ZSWIM4: variants seen among roughly 807,000 people sequenced by gnomAD.
ZSWIM4 encodes zinc finger SWIM-type containing 4, also known as zinc finger SWIM domain-containing protein 4.
A neutral mutation model predicts 102.5 loss-of-function variants in ZSWIM4; 62 were observed. That is an observed-to-expected ratio of 0.60 (90% CI 0.49 to 0.75). ZSWIM4 has a LOEUF of 0.75. ZSWIM4 is among the 30% of genes least tolerant of loss of function. ZSWIM4 has a pLI of 0.00. For missense variants in ZSWIM4, 1,280 were observed against 1,529.6 expected (o/e 0.84, Z 2.72); for synonymous variants, 652 against 674.5 (o/e 0.97, Z 0.52).
chr19:13,816,050 G>T (rs1425367511), intron 7 of ZSWIM4, among the ~76,000 whole-genome samples: 1 of 149,290 alleles, frequency 6.7e-6, no homozygotes, highest in Non-Finnish European at 1.5e-5. Flanking sequence ...GAGAGAGAGG[G>T]GAAGGAAGGA....
At chr19:13,810,786 A>AT (rs1975060813) in intron 5 of ZSWIM4, among the ~76,000 whole-genome samples, 1 of 134,928 alleles carries the variant, frequency 7.4e-6, no homozygotes, top group South Asian at 2.3e-4. Context: ...ATTTTTTTGT[A>AT]TTTTTAGTAG....
rs1472778145 is a variant in ZSWIM4, at chr19:13,823,449, C to T, written c.2164C>T (p.Leu722=). The T allele has an allele frequency of 6.3e-7, 1 of 1,583,008 alleles. No homozygotes were observed. Among genetic ancestry groups the T allele is most frequent in the South Asian group, 1.1e-5 (1 of 88,316 alleles). Residue 722 remains leucine (L), a synonymous_variant, in exon 11 of 14, where the codon CTG becomes TTG. Coordinates refer to ENST00000590508, the MANE Select transcript of ZSWIM4 (RefSeq NM_001367834.3). ...CCCCCGCTGGTTCATCCTTGGCCAC[C>T]TGGAGACCCGCCAGTGTGAACTGGC... is the stretch of plus-strand genomic sequence containing the variant. ...RFPRWFILGH[L]ETRQCELAST... is the part of the protein sequence containing the mutation.
intron 13 of ZSWIM4, 62 bp from the exon 14 acceptor site, chr19:13,830,129 G>A (rs1257921134): frequency 3.2e-6 from 5 of 1,556,046 alleles, no homozygotes; most frequent in East Asian, 2.3e-5. Context: ...GTTAACCCAC[G>A]CATACATGTA....
At chr19:13,816,927 T>C (rs1397142778) in intron 7 of ZSWIM4, among the ~76,000 whole-genome samples, 1 of 151,964 alleles carries the variant, frequency 6.6e-6, no homozygotes, top group Non-Finnish European at 1.5e-5. Context: ...TTAGAAAGCG[T>C]CCAGTGGCCA....
rs1032405975 is a variant in ZSWIM4 at position 13,804,962 on chromosome 19, A to G, written c.526A>G (p.Ile176Val). Residue 176 changes from isoleucine to valine, a missense_variant, in exon 3 of 14, where the codon ATT (isoleucine) becomes GTT (valine). Ile to Val is a conservative substitution (Grantham distance 29, BLOSUM62 3). Transcript: ENST00000590508. ...CGTGGTGGCCCTGTCCCTGTACCGCATTCGGCACGCCCACCAGGTGGAGCT... is the reference window on the plus strand; with the variant it reads ...CGTGGTGGCCCTGTCCCTGTACCGCGTTCGGCACGCCCACCAGGTGGAGCT... Reference protein sequence around the residue: ...AHVVALSLYRIRHAHQVELRL... With the variant: ...AHVVALSLYRVRHAHQVELRL... 1 of 1,613,176 alleles carries G rather than the reference A, an allele frequency of 6.2e-7. No homozygotes were observed. The highest frequency in any genetic ancestry group is 8.5e-7 in the Non-Finnish European group (1 of 1,179,998).
chr19:13,828,701 G>A lies in ZSWIM4; in HGVS notation c.2436G>A (p.Trp812Ter), dbSNP rs778288911. The A allele has an allele frequency of 6.2e-7, 1 of 1,614,184 alleles. No homozygotes were observed. The highest frequency in any genetic ancestry group is 2.2e-5 in the East Asian group (1 of 44,876). The change falls in exon 13 of 14, where the codon TGG becomes TGA. Residue 812 changes from tryptophan (W) to a stop codon, truncating the protein, a stop_gained. Coordinates refer to ENST00000590508, the MANE Select transcript of ZSWIM4 (RefSeq NM_001367834.3). LOFTEE classifies it high-confidence loss of function. ...MTWRRREMVR[W>*]LVSCATEIGP... ...GGCGGCGGAGGGAGATGGTGCGCTGGCTGGTCAGCTGTGCCACAGAGATTG... is the reference window on the plus strand; with the variant it reads ...GGCGGCGGAGGGAGATGGTGCGCTGACTGGTCAGCTGTGCCACAGAGATTG...
intron 6 of ZSWIM4, among the ~76,000 whole-genome samples, chr19:13,813,857 GTTGCAGTGAGCCAAGATCGCACCAC>G (rs1711938968): frequency 6.7e-6 from 1 of 150,148 alleles, no homozygotes; most frequent in Non-Finnish European, 1.5e-5. Flanking sequence ...GGAGGCGGAG[GTTGCAGTGAGCCAAGATCGCACCAC>G]TGCACTCTAG....
Position 13,825,601 on chromosome 19 carries a change from A to G in ZSWIM4, c.2267A>G (p.His756Arg). ...TVLGSIQQNI[H>R]SPALLFKLAQ... ...CTGGGCTCCATCCAGCAGAACATCC[A>G]CTCTCCGGCCCTGCTCTTTAAGCTG... The change falls in exon 12 of 14, where the codon CAC (histidine) becomes CGC (arginine). Residue 756 changes from histidine (H) to arginine (R), a missense_variant. Transcript: ENST00000590508. This position sits in a 1 kb window ranked among gnomAD's most constrained non-coding sequence, Gnocchi z 4.6. 1 of 1,613,726 alleles carries G rather than the reference A, an allele frequency of 6.2e-7. No homozygotes were observed. The highest frequency in any genetic ancestry group is 8.5e-7 in the Non-Finnish European group (1 of 1,179,942).
Position 13,823,328 on chromosome 19 carries a change from A to G in ZSWIM4, c.2061-18A>G. Reference sequence around the variant, plus strand: ...CAGCAGCCCCTCCTCACCATGGCTCACTTCTCCCCTTACCCAGGCTGCCCA... The same window carrying G: ...CAGCAGCCCCTCCTCACCATGGCTCGCTTCTCCCCTTACCCAGGCTGCCCA... On this transcript the variant is annotated intron_variant, in intron 10 of 13. Transcript: ENST00000590508. 6.2e-7 allele frequency: 1 copy of G among 1,605,550 alleles called. No homozygotes were observed. The highest frequency in any genetic ancestry group is 1.1e-5 in the South Asian group (1 of 90,418).
At chr19:13,804,063 C>T (rs1406257537) in intron 2 of ZSWIM4, among the ~76,000 whole-genome samples, 1 of 151,310 alleles carries the variant, frequency 6.6e-6, no homozygotes, top group Non-Finnish European at 1.5e-5. Context: ...AGGGTTTCAC[C>T]ATGTTGGCCA....
intron 10 of ZSWIM4, 60 bp downstream of exon 10, chr19:13,819,552 G>T: frequency 6.5e-7 from 1 of 1,531,748 alleles, no homozygotes; most frequent in Non-Finnish European, 8.8e-7. Context: ...GGCGGGCATG[G>T]GGGGTAGCTC....
rs1437426516 is a variant in ZSWIM4, at chr19:13,830,640, A to G, written c.2911A>G (p.Ser971Gly). 6.2e-7 allele frequency: 1 copy of G among 1,601,232 alleles called. No homozygotes were observed. Among genetic ancestry groups the G allele is most frequent in the South Asian group, 1.1e-5 (1 of 91,070 alleles). ...CGACGTGCTTTGGGCCTGCTCTCTC[A>G]GCCACTCCCTGGGCCGGCACGAGCT... Reference protein sequence around the residue: ...VNDVLWACSLSHSLGRHELSA... With the variant: ...VNDVLWACSLGHSLGRHELSA... The change falls in exon 14 of 14, where the codon AGC becomes GGC. Residue 971 changes from serine (S) to glycine (G), a missense_variant. By Grantham distance (56) the Ser-to-Gly change is moderately conservative. Coordinates refer to ENST00000590508, the MANE Select transcript of ZSWIM4 (RefSeq NM_001367834.3).
intron 3 of ZSWIM4, 44 bp downstream of exon 3, chr19:13,805,192 G>A (rs375686478): frequency 1.1e-5 from 17 of 1,483,492 alleles, no homozygotes; most frequent in African/African-American, 4.1e-5. Context: ...ATGCCCAAGC[G>A]CACAGCCACG....
rs1974874893 is a variant in ZSWIM4 at position 13,804,913 on chromosome 19, C to T, written c.477C>T (p.Asn159=). Residue 159 remains asparagine, a synonymous_variant, in exon 3 of 14, where the codon AAC becomes AAT. Transcript: ENST00000590508. ...CGTCCGTGAGCTGCGGCTGTGACAA[C>T]CGCGACCTCTTCTACTGTGCCCACG... is the stretch of plus-strand genomic sequence containing the variant. ...KITSVSCGCD[N]RDLFYCAHVV... 1.2e-6 allele frequency: 2 copies of T among 1,613,546 alleles called. No individual in the cohort carries two copies. The highest frequency in any genetic ancestry group is 2.2e-5 in the East Asian group (1 of 44,880).
In ZSWIM4 at chr19:13,823,441, T is replaced by G. The variant is rs1257833413; in HGVS notation, c.2156T>G (p.Leu719Arg). 1 of 1,593,518 alleles carries G rather than the reference T, an allele frequency of 6.3e-7. No individual in the cohort carries two copies. The highest frequency in any genetic ancestry group is 1.1e-5 in the South Asian group (1 of 89,060). Residue 719 changes from leucine to arginine, a missense_variant, in exon 11 of 14, where the codon CTT becomes CGT. By Grantham distance (102) the Leu-to-Arg change is moderately radical (BLOSUM62 -2). Coordinates refer to ENST00000590508, the MANE Select transcript of ZSWIM4 (RefSeq NM_001367834.3). ...MSNRFPRWFI[L>R]GHLETRQCEL... is the part of the protein sequence containing the mutation. ...AACCGCTTCCCCCGCTGGTTCATCC[T>G]TGGCCACCTGGAGACCCGCCAGTGT...
At chr19:13,819,100 G>A (rs1290534165) in intron 9 of ZSWIM4, among the ~76,000 whole-genome samples, 1 of 150,472 alleles carries the variant, frequency 6.6e-6, no homozygotes, top group Non-Finnish European at 1.5e-5. Flanking sequence ...TCCTAACCTC[G>A]TGATCCGCCA....
Position 13,818,035 on chromosome 19 carries a change from T to C in ZSWIM4, c.1924+59T>C, listed in dbSNP as rs965356759. On this transcript the variant is annotated intron_variant, in intron 9 of 13. Coordinates refer to ENST00000590508, the MANE Select transcript of ZSWIM4 (RefSeq NM_001367834.3). ...AAGGGTAGGGTCCAGCCCCTGGTCC[T>C]GTAGCGGCCCGGTTGCTGCCAGATG... 273 of 1,429,956 alleles carry C rather than the reference T, an allele frequency of 1.9e-4. 1 individual carries two copies. The highest frequency in any genetic ancestry group is 5.1e-4 in the Middle Eastern group (2 of 3,884). 88.6% of individuals were successfully genotyped at this position (1,429,956 alleles called of 1,614,324 possible). A position where few individuals can be genotyped will look rare whatever the true frequency, so the allele number is the denominator to read the frequency against.
intron 12 of ZSWIM4, among the ~76,000 whole-genome samples, chr19:13,828,339 C>T (rs1477751735): frequency 2.0e-5 from 3 of 151,608 alleles, no homozygotes; most frequent in Non-Finnish European, 2.9e-5. Context: ...ACTCGGGAGG[C>T]GGAGGTTGTA....
chr19:13,807,762 G>GATGC (rs1417547490), intron 3 of ZSWIM4, among the ~76,000 whole-genome samples: 2 of 76,094 alleles, frequency 2.6e-5, no homozygotes, highest in African/African-American at 7.1e-5. Flanking sequence ...TGCATGGATG[G>GATGC]ATGGATGGAT....
Sources: gnomAD v4.1 joint callset for allele counts (sites outside exome capture counted in the v4.1 genomes callset) on GRCh38, gnomAD v4.1.1 for gene constraint, Gnocchi (gnomAD v3.1) non-coding constraint, MANE v1.5 for transcripts, NCBI Gene and HGNC (gene_info 2026-07-23, HGNC 2026-07-21) for gene names.